The following CHRNA5 variants were observed in gnomAD, a reference collection of about 807,000 sequenced individuals.
CHRNA5 encodes the protein neuronal acetylcholine receptor subunit alpha-5.
CHRNA5 carries 28 observed loss-of-function variants against 41.2 expected under a neutral mutation model. The ratio of observed to expected loss-of-function variants is 0.68; its 90% CI spans 0.50 to 0.93. The LOEUF (loss-of-function observed/expected upper bound fraction) is 0.93. Ranked by LOEUF, CHRNA5 falls within the 40% of genes least tolerant of loss-of-function variation. The pLI is 0.00. For missense variants in CHRNA5, 481 were observed against 581.9 expected (o/e 0.83, Z 1.78); for synonymous variants, 188 against 205.8 (o/e 0.91, Z 0.74).
chr15:78,578,123 T>A (rs775093899), intron 1 of CHRNA5, among the ~76,000 whole-genome samples: 1 of 152,236 alleles, frequency 6.6e-6, no homozygotes, highest in Non-Finnish European at 1.5e-5. Context: ...TTAATCTAAA[T>A]ATCTTCAATG....
At chr15:78,571,612 G>A (rs1172322924) in intron 1 of CHRNA5, among the ~76,000 whole-genome samples, 1 of 118,760 alleles carries the variant, frequency 8.4e-6, no homozygotes, top group Non-Finnish European at 1.6e-5. Context: ...TGTACAAGTT[G>A]TCTCGTCTCC....
intron 1 of CHRNA5, among the ~76,000 whole-genome samples, chr15:78,576,034 GA>G (rs1189273067): frequency 2.0e-5 from 3 of 152,160 alleles, no homozygotes; most frequent in Non-Finnish European, 4.4e-5. Context: ...ATAGATTTTA[GA>G]TACAAGTCCC....
intron 2 of CHRNA5, among the ~76,000 whole-genome samples, chr15:78,584,538 G>T (rs1000599464): frequency 9.9e-5 from 15 of 152,188 alleles, no homozygotes; most frequent in African/African-American, 3.4e-4. Flanking sequence ...ATCCCTTATG[G>T]TAATGGCTAA....
Position 78,586,671 on chromosome 15 carries a change from A to G in CHRNA5, c.285A>G (p.Thr95=). The change falls in exon 3 of 6, where the codon ACA becomes ACG. Residue 95 remains threonine (T), a synonymous_variant. Coordinates refer to ENST00000299565, the Ensembl canonical transcript of CHRNA5. ...ATGAGAAAAATCAGTTAATGACAAC[A>G]AACGTCTGGTTGAAACAGGTATGTG... 4 of 1,603,336 alleles carry G rather than the reference A, an allele frequency of 2.5e-6. No homozygotes were observed. The South Asian group carries it at 3.4e-5, about 14-fold the overall frequency.
intron 2 of CHRNA5, among the ~76,000 whole-genome samples, chr15:78,584,539 T>C (rs1297603587): frequency 6.6e-6 from 1 of 152,240 alleles, no homozygotes; most frequent in East Asian, 1.9e-4. Context: ...TCCCTTATGG[T>C]AATGGCTAAC....
rs148722844 is a variant in CHRNA5 at position 78,586,675 on chromosome 15, G to A, written c.289G>A (p.Val97Ile). The A allele has an allele frequency of 7.1e-5, 114 of 1,602,638 alleles. No individual in the cohort carries two copies. The South Asian group carries it at 8.0e-4, about 11-fold the overall frequency. Residue 97 changes from valine to isoleucine, a missense_variant, in exon 3 of 6, where the codon GTC becomes ATC. Val to Ile is a conservative substitution (Grantham distance 29, BLOSUM62 3). Transcript: ENST00000299565. ...GAAAAATCAGTTAATGACAACAAAC[G>A]TCTGGTTGAAACAGGTATGTGTGTA...
intron 1 of CHRNA5, among the ~76,000 whole-genome samples, chr15:78,572,986 T>G (rs2052820406): frequency 6.6e-6 from 1 of 152,196 alleles, no homozygotes; most frequent in Non-Finnish European, 1.5e-5. Flanking sequence ...ACACATTCCT[T>G]TTGCAATTAT....
In CHRNA5 at chr15:78,567,576, C is replaced by G. The variant is rs117994199; in HGVS notation, c.106+1751C>G. Among the ~76,000 whole-genome samples, 1,358 of 152,330 alleles carry G rather than the reference C, an allele frequency of 8.9e-3. 7 individuals carry two copies. The highest frequency in any genetic ancestry group is 0.012 in the Non-Finnish European group (849 of 68,040). ...TTAATATCTCTCTCATAATAACCAT[C>G]TGGTTCTATTGCACTTCTGTTTCCT... On this transcript the variant is annotated intron_variant, in intron 1 of 5. Transcript: ENST00000299565.
intron 1 of CHRNA5, among the ~76,000 whole-genome samples, chr15:78,570,257 AT>A (rs1223567386): frequency 6.6e-6 from 1 of 150,608 alleles, no homozygotes; most frequent in Non-Finnish European, 1.5e-5. Context: ...CCTACTGTTT[AT>A]TTATTTATTA....
exon 1 of CHRNA5, chr15:78,565,749 G>C (rs2052740669): frequency 6.6e-6 from 8 of 1,203,440 alleles, no homozygotes; most frequent in Non-Finnish European, 6.2e-6. Flanking sequence ...GGCCCCGCGC[G>C]CTCCGCCTGC....
rs574540091 is a variant in CHRNA5, at chr15:78,582,863, T to C, written c.258+1901T>C. Reference sequence around the variant, plus strand: ...TGGTCTGACTGGACGGTGGAGAAGGTGAGGAGAATCCCTGCATGCCACTTC... The same window carrying C: ...TGGTCTGACTGGACGGTGGAGAAGGCGAGGAGAATCCCTGCATGCCACTTC... On this transcript the variant is annotated intron_variant, in intron 2 of 5. Coordinates refer to ENST00000299565, the Ensembl canonical transcript of CHRNA5. 1.5e-4 allele frequency among the ~76,000 whole-genome samples: 23 copies of C among 152,220 alleles called. No individual in the cohort carries two copies. The East Asian group carries it at 4.3e-3, about 28-fold the overall frequency.
exon 5 of CHRNA5, chr15:78,589,834 C>T (rs201563436): frequency 2.9e-5 from 46 of 1,605,486 alleles, no homozygotes; most frequent in Admixed American, 6.9e-5. Flanking sequence ...GGGACCAGTA[C>T]GAAAACAGTC....
exon 1 of CHRNA5, chr15:78,565,635 C>A: frequency 5.9e-6 from 2 of 338,068 alleles, no homozygotes; most frequent in Non-Finnish European, 9.2e-6. Context: ...ACGACTCACA[C>A]TCAGTGCTCC....
At chr15:78,595,187 A>C (rs2141316295) in exon 6 of CHRNA5, 4 of 638,544 alleles carry the variant, frequency 6.3e-6, no homozygotes, top group Non-Finnish European at 7.8e-6. Flanking sequence ...CCAGCTACCT[A>C]CCTTAGTTCG....
chr15:78,593,445 G>T, exon 6 of CHRNA5: 1 of 453,440 alleles, frequency 2.2e-6, no homozygotes, highest in Non-Finnish European at 3.7e-6. Context: ...TAACTGATGA[G>T]ATACATTTGA....
At chr15:78,568,802 G>T (rs2052772913) in intron 1 of CHRNA5, among the ~76,000 whole-genome samples, 1 of 152,060 alleles carries the variant, frequency 6.6e-6, no homozygotes, top group South Asian at 2.1e-4. Context: ...TCCCTGCAAA[G>T]GACATGAACT....
chr15:78,593,027 G>T (rs67529014), intron 5 of CHRNA5, 65 bp from the exon 6 acceptor site: 34 of 1,559,254 alleles, frequency 2.2e-5, no homozygotes, highest in Non-Finnish European at 2.9e-5. Flanking sequence ...CAGTGTGTTT[G>T]TTATATCTTA....
At chr15:78,571,617 G>A (rs116205645) in intron 1 of CHRNA5, among the ~76,000 whole-genome samples, 2,270 of 128,624 alleles carry the variant, frequency 0.018, 54 homozygotes, top group African/African-American at 0.063. Context: ...AAGTTGTCTC[G>A]TCTCCTCGAG....
intron 1 of CHRNA5, among the ~76,000 whole-genome samples, chr15:78,576,292 G>A (rs530273490): frequency 4.6e-5 from 7 of 152,134 alleles, no homozygotes; most frequent in Admixed American, 2.6e-4. Flanking sequence ...GACCACAGGC[G>A]CGTGCTACAC....
Sources: gnomAD v4.1 joint callset for allele counts (sites outside exome capture counted in the v4.1 genomes callset) on GRCh38, gnomAD v4.1.1 for gene constraint, MANE v1.5 for transcripts, NCBI Gene and HGNC (gene_info 2026-07-23, HGNC 2026-07-21) for gene names.